The following EEFSEC variants were observed in gnomAD, a reference collection of about 807,000 sequenced individuals.
EEFSEC encodes the protein eukaryotic elongation factor, selenocysteine-tRNA specific, also known as selenocysteine-specific elongation factor.
EEFSEC carries 43 observed loss-of-function variants against 42.1 expected under a neutral mutation model. The ratio of observed to expected loss-of-function variants is 1.02; its 90% confidence interval spans 0.80 to 1.32. The LOEUF (loss-of-function observed/expected upper bound fraction) is 1.32, where lower values mean the gene tolerates loss of function less well. EEFSEC is among the 40% of genes most tolerant of loss of function. The probability of loss-of-function intolerance (pLI) is 0.00; values close to 1 mark genes in which losing one functional copy is unlikely to be tolerated. For synonymous variants in EEFSEC, 354 were observed against 339.1 expected, an observed-to-expected ratio of 1.04 and a Z score of -0.48; for missense variants, 745 against 803.6, an observed-to-expected ratio of 0.93 and a Z score of 0.88.
rs1399962930 is a variant in EEFSEC at position 128,407,944 on chromosome 3, C to T, written c.1601-125C>T. The T allele has an allele frequency of 8.8e-6, 8 of 912,976 alleles. No individual in the cohort carries two copies. In the South Asian group the frequency reaches 1.3e-4, roughly 14 times the overall value. The allele number at this position is 912,976 out of a possible 1,614,324, so 56.6% of individuals were successfully genotyped here. A position where few individuals can be genotyped will look rare whatever the true frequency, so the allele number is the denominator to read the frequency against. ...CAAAATGTCAGAATGGACCACAGGCCTCAGGGCTGATTGGCTAGGGAGGGA... is the reference window on the plus strand; with the variant it reads ...CAAAATGTCAGAATGGACCACAGGCTTCAGGGCTGATTGGCTAGGGAGGGA... On this transcript the variant is annotated intron_variant, in intron 6 of 6. Coordinates refer to ENST00000254730, the MANE Select transcript of EEFSEC (RefSeq NM_021937.5).
chr3:128,357,281 T>C (rs1000764703), intron 5 of EEFSEC, among the ~76,000 whole-genome samples: 1 of 152,218 alleles, frequency 6.6e-6, no homozygotes, highest in Admixed American at 6.5e-5. Context: ...TGATCAAGCC[T>C]CTAGGGAGAA....
At chr3:128,372,012 CT>C in intron 6 of EEFSEC, among the ~76,000 whole-genome samples, 1 of 152,344 alleles carries the variant, frequency 6.6e-6, no homozygotes, top group Middle Eastern at 3.4e-3. Context: ...GTGAATGCAA[CT>C]TTTCTTTGGG....
At chr3:128,265,029 A>G (rs1011875046) in intron 4 of EEFSEC, among the ~76,000 whole-genome samples, 3 of 152,114 alleles carry the variant, frequency 2.0e-5, no homozygotes, top group Non-Finnish European at 2.9e-5. Context: ...GATGTGCCTC[A>G]AGGAGGTGTT....
intron 1 of EEFSEC, among the ~76,000 whole-genome samples, chr3:128,186,653 C>T (rs1369946260): frequency 6.6e-6 from 1 of 152,080 alleles, no homozygotes; most frequent in Non-Finnish European, 1.5e-5. Context: ...ATCTGGTTGT[C>T]CCAGTTTTTG....
chr3:128,248,269 CCTT>C (rs2066148462), intron 2 of EEFSEC, among the ~76,000 whole-genome samples: 2 of 152,230 alleles, frequency 1.3e-5, no homozygotes, highest in South Asian at 4.1e-4. Context: ...TTCCACCTCT[CCTT>C]CTTCTGCCCA....
intron 4 of EEFSEC, among the ~76,000 whole-genome samples, chr3:128,295,707 T>TC (rs2066698202): frequency 6.7e-6 from 1 of 149,188 alleles, no homozygotes; most frequent in Admixed American, 6.7e-5. Context: ...CCTGCCAGAG[T>TC]CCCAAGCAGG....
chr3:128,164,515 A>G (rs1176854624), intron 1 of EEFSEC, among the ~76,000 whole-genome samples: 3 of 152,148 alleles, frequency 2.0e-5, no homozygotes, highest in Non-Finnish European at 4.4e-5. Context: ...AGCCCTGGCT[A>G]AAGAAGGGGA....
chr3:128,207,633 A>G (rs2065712932), intron 1 of EEFSEC, among the ~76,000 whole-genome samples: 1 of 151,948 alleles, frequency 6.6e-6, no homozygotes, highest in African/African-American at 2.4e-5. Context: ...AACGTAAACT[A>G]GACCTTTCTT....
chr3:128,280,053 G>A (rs941214811), intron 4 of EEFSEC, among the ~76,000 whole-genome samples: 2 of 152,226 alleles, frequency 1.3e-5, no homozygotes, highest in Admixed American at 1.3e-4. Flanking sequence ...TGTCAGTCAT[G>A]TTCCTGGGCC....
At chr3:128,347,890 C>T (rs772402772) in intron 5 of EEFSEC, among the ~76,000 whole-genome samples, 11 of 152,082 alleles carry the variant, frequency 7.2e-5, no homozygotes, top group Non-Finnish European at 1.5e-4. Context: ...ATAAGGACAA[C>T]GAGGCAGAAT....
intron 1 of EEFSEC, among the ~76,000 whole-genome samples, chr3:128,208,255 AAG>A (rs1330471179): frequency 1.3e-5 from 2 of 152,136 alleles, no homozygotes; most frequent in Admixed American, 6.5e-5. Context: ...TTAGCACACT[AAG>A]AGTTTTTTGT....
chr3:128,356,713 G>GT (rs1211332827), intron 5 of EEFSEC, among the ~76,000 whole-genome samples: 1 of 152,206 alleles, frequency 6.6e-6, no homozygotes, highest in Admixed American at 6.5e-5. Flanking sequence ...GGAGGCATCA[G>GT]TTTCTCCTGA....
chr3:128,351,749 C>T (rs906233466), intron 5 of EEFSEC, among the ~76,000 whole-genome samples: 2 of 152,330 alleles, frequency 1.3e-5, no homozygotes, highest in African/African-American at 4.8e-5. Flanking sequence ...ACCCACCTGG[C>T]GTGTAAGCAA....
intron 6 of EEFSEC, among the ~76,000 whole-genome samples, chr3:128,383,891 G>A (rs990846002): frequency 1.9e-4 from 29 of 152,354 alleles, no homozygotes; most frequent in African/African-American, 6.0e-4. Flanking sequence ...ACAGGCCCAC[G>A]CCAGCCCACT....
chr3:128,307,189 G>T (rs959753094), intron 4 of EEFSEC, among the ~76,000 whole-genome samples: 76 of 152,364 alleles, frequency 5.0e-4, no homozygotes, highest in African/African-American at 1.5e-3. Flanking sequence ...TTTTCCCAAG[G>T]CTGGCAGGCA....
chr3:128,403,489 G>A (rs1182520128), intron 6 of EEFSEC, among the ~76,000 whole-genome samples: 1 of 152,200 alleles, frequency 6.6e-6, no homozygotes, highest in Non-Finnish European at 1.5e-5. Context: ...GGGCCTGCAG[G>A]AGGTAGACAC....
intron 1 of EEFSEC, 96 bp downstream of exon 1, chr3:128,153,919 A>G (rs1944311905): frequency 1.4e-6 from 2 of 1,409,156 alleles, no homozygotes; most frequent in African/African-American, 1.5e-5. Flanking sequence ...CGGGACGGGA[A>G]ATCGCCCCAC....
At chr3:128,215,780 C>T (rs1250156894) in intron 1 of EEFSEC, among the ~76,000 whole-genome samples, 7 of 152,118 alleles carry the variant, frequency 4.6e-5, no homozygotes, top group Non-Finnish European at 8.8e-5. Context: ...TGGCTTAATT[C>T]TTAGGCCACC....
At chr3:128,400,812 G>T (rs373728725) in intron 6 of EEFSEC, among the ~76,000 whole-genome samples, 1 of 152,194 alleles carries the variant, frequency 6.6e-6, no homozygotes, top group Non-Finnish European at 1.5e-5. Flanking sequence ...TGTGCTTCCC[G>T]CATTCTTCCC....
Sources: gnomAD v4.1 joint callset for allele counts (sites outside exome capture counted in the v4.1 genomes callset) on GRCh38, gnomAD v4.1.1 for gene constraint, MANE v1.5 for transcripts, NCBI Gene and HGNC (gene_info 2026-07-23, HGNC 2026-07-21) for gene names.